Variants in PALLD observed in about 807,000 individuals in gnomAD.
PALLD encodes palladin.
A neutral mutation model predicts 123.5 loss-of-function variants in PALLD; 61 were observed. The ratio of observed to expected loss-of-function variants is 0.49; its 90% CI spans 0.40 to 0.61. PALLD has a LOEUF of 0.61. Ranked by LOEUF, PALLD falls within the 20% of genes least tolerant of loss-of-function variation. PALLD has a pLI of 0.00. For synonymous variants in PALLD, 465 were observed against 496.4 expected (o/e 0.94, Z 0.84); for missense variants, 1,273 against 1,377.0 (o/e 0.92, Z 1.20).
At chr4:168,800,616 G>T (rs1219714706) in intron 10 of PALLD, among the ~76,000 whole-genome samples, 1 of 152,140 alleles carries the variant, frequency 6.6e-6, no homozygotes, top group East Asian at 1.9e-4. Flanking sequence ...CCAAGTTCTG[G>T]CAAGGATGTG....
rs561587216 is a variant in PALLD at position 168,835,015 on chromosome 4, AT to A, written c.1965-55905del. 1.9e-4 allele frequency among the ~76,000 whole-genome samples: 29 copies of A among 152,338 alleles called. No homozygotes were observed. The South Asian group carries it at 5.6e-3, about 29-fold the overall frequency. ...TCATACTGCTCAAGGTGCTGAAGTC[AT>A]TATTTCAAGGGGAAATTATTAGCGT... is the stretch of plus-strand genomic sequence containing the variant. On this transcript the variant is annotated intron_variant, in intron 10 of 21. Coordinates refer to ENST00000505667, the MANE Select transcript of PALLD (RefSeq NM_001166108.2).
chr4:168,499,633 G>C (rs180950637), intron 1 of PALLD, among the ~76,000 whole-genome samples: 4 of 152,078 alleles, frequency 2.6e-5, no homozygotes, highest in African/African-American at 9.6e-5. Context: ...AGATCCCCCT[G>C]CATGTCCCAC....
At chr4:168,850,522 T>G (rs867499407) in intron 10 of PALLD, among the ~76,000 whole-genome samples, 3 of 132,540 alleles carry the variant, frequency 2.3e-5, no homozygotes, top group Non-Finnish European at 4.7e-5. Flanking sequence ...GTCTGTCATT[T>G]CTTTTTTTTT....
intron 10 of PALLD, among the ~76,000 whole-genome samples, chr4:168,776,808 G>T (rs536874116): frequency 6.6e-5 from 10 of 152,232 alleles, no homozygotes; most frequent in African/African-American, 2.4e-4. Context: ...CACCTCTACA[G>T]TCTTGAGATA....
intron 1 of PALLD, among the ~76,000 whole-genome samples, chr4:168,508,217 A>T (rs1762192862): frequency 6.6e-6 from 1 of 152,168 alleles, no homozygotes; most frequent in Non-Finnish European, 1.5e-5. Flanking sequence ...ATCACTATAA[A>T]TTGTACGTAT....
At chr4:168,760,332 G>A (rs1427739285) in intron 10 of PALLD, among the ~76,000 whole-genome samples, 1 of 151,848 alleles carries the variant, frequency 6.6e-6, no homozygotes, top group African/African-American at 2.4e-5. Context: ...GTGCGGGGAG[G>A]CCTCAACACA....
intron 2 of PALLD, among the ~76,000 whole-genome samples, chr4:168,569,244 G>A (rs1768726828): frequency 6.6e-6 from 1 of 152,090 alleles, no homozygotes; most frequent in Non-Finnish European, 1.5e-5. Context: ...CCTCTACATA[G>A]CAACTGGAGC....
intron 10 of PALLD, among the ~76,000 whole-genome samples, chr4:168,805,016 G>A (rs1480098684): frequency 6.6e-6 from 1 of 152,050 alleles, no homozygotes; most frequent in East Asian, 1.9e-4. Context: ...AAAATTAGCT[G>A]GGCTTGGTGT....
At chr4:168,750,328 A>C (rs1730887890) in intron 10 of PALLD, among the ~76,000 whole-genome samples, 1 of 152,208 alleles carries the variant, frequency 6.6e-6, no homozygotes, top group African/African-American at 2.4e-5. Context: ...GCCTCCAGCC[A>C]CATCCATGTT....
chr4:168,716,468 A>G (rs1467148773), intron 10 of PALLD, among the ~76,000 whole-genome samples: 1 of 152,212 alleles, frequency 6.6e-6, no homozygotes, highest in Admixed American at 6.5e-5. Flanking sequence ...CAGTCTCTAA[A>G]GAAGAAACAG....
At chr4:168,678,645 A>G (rs1202387577) in intron 3 of PALLD, among the ~76,000 whole-genome samples, 2 of 152,042 alleles carry the variant, frequency 1.3e-5, no homozygotes, top group African/African-American at 4.8e-5. Flanking sequence ...CACCATCCTT[A>G]AAATTGCAGC....
At chr4:168,714,359 CT>C (rs926876720) in intron 10 of PALLD, among the ~76,000 whole-genome samples, 2 of 152,166 alleles carry the variant, frequency 1.3e-5, no homozygotes, top group African/African-American at 4.8e-5. Flanking sequence ...ATTTCCACCC[CT>C]CTCAAAGGTG....
intron 2 of PALLD, among the ~76,000 whole-genome samples, chr4:168,519,261 G>C (rs953256554): frequency 2.6e-5 from 4 of 152,182 alleles, no homozygotes. Flanking sequence ...AAGGTGGGTA[G>C]TAGAGACACA....
At position 168,889,936 on chromosome 4, in the gene PALLD, G is replaced by A. The variant is rs537201600; in HGVS notation, c.1965-986G>A. On this transcript the variant is annotated intron_variant, in intron 10 of 21. Transcript: ENST00000505667. Reference sequence around the variant, plus strand: ...TGCTTTTGCCTGTTTATAAATACAAGTATATCATATATATTCTTCTGTGAC... The same window carrying A: ...TGCTTTTGCCTGTTTATAAATACAAATATATCATATATATTCTTCTGTGAC... Among the ~76,000 whole-genome samples the A allele has an allele frequency of 2.6e-5, 4 of 152,338 alleles. No homozygotes were observed. In the South Asian group the frequency reaches 6.2e-4, roughly 24 times the overall value.
At chr4:168,752,961 G>A (rs1192293237) in intron 10 of PALLD, among the ~76,000 whole-genome samples, 1 of 152,076 alleles carries the variant, frequency 6.6e-6, no homozygotes, top group Non-Finnish European at 1.5e-5. Flanking sequence ...AGAAAGAGGA[G>A]GCAGCCTAGA....
intron 2 of PALLD, among the ~76,000 whole-genome samples, chr4:168,651,956 G>T (rs1361787271): frequency 1.3e-5 from 2 of 152,058 alleles, no homozygotes; most frequent in East Asian, 3.9e-4. Flanking sequence ...GTATTTGTTT[G>T]TTTGCTTTGT....
At chr4:168,531,281 T>C (rs1462058484) in intron 2 of PALLD, among the ~76,000 whole-genome samples, 1 of 152,210 alleles carries the variant, frequency 6.6e-6, no homozygotes, top group East Asian at 1.9e-4. Context: ...CTATAAATTT[T>C]AAGCTGATGA....
intron 2 of PALLD, among the ~76,000 whole-genome samples, chr4:168,659,834 T>C (rs901890653): frequency 6.6e-6 from 1 of 152,186 alleles, no homozygotes; most frequent in Non-Finnish European, 1.5e-5. Flanking sequence ...AAAATAAAGA[T>C]AGCCAAAAGA....
chr4:168,905,001 C>T (rs1207654059), intron 15 of PALLD, among the ~76,000 whole-genome samples: 8 of 151,878 alleles, frequency 5.3e-5, no homozygotes, highest in Admixed American at 2.0e-4. Flanking sequence ...GTGGTAGGCA[C>T]CTGTAATCCC....
Sources: gnomAD v4.1 joint callset for allele counts (sites outside exome capture counted in the v4.1 genomes callset) on GRCh38, gnomAD v4.1.1 for gene constraint, MANE v1.5 for transcripts, NCBI Gene and HGNC (gene_info 2026-07-23, HGNC 2026-07-21) for gene names.